Variants in IGSF21 observed in about 807,000 individuals in gnomAD.
IGSF21 encodes immunoglobin superfamily member 21.
In IGSF21, 28 loss-of-function variants were observed where a neutral mutation model predicts 46.8. The ratio of observed to expected loss-of-function variants is 0.60; its 90% CI spans 0.44 to 0.82. The LOEUF (loss-of-function observed/expected upper bound fraction) is 0.82. Among genes scored for constraint, IGSF21 ranks in the 40% least tolerant of loss-of-function variants. IGSF21 has a pLI of 0.00. For synonymous variants in IGSF21, 284 were observed against 273.6 expected (o/e 1.04, Z -0.38); for missense variants, 624 against 665.5 (o/e 0.94, Z 0.69).
intron 1 of IGSF21, among the ~76,000 whole-genome samples, chr1:18,190,972 C>G (rs180703314): frequency 1.6e-4 from 25 of 152,290 alleles, no homozygotes; most frequent in Non-Finnish European, 3.5e-4. Context: ...GGGGCTGACA[C>G]ATCGCTGGAA....
At chr1:18,342,825 T>C (rs2085856644) in intron 4 of IGSF21, among the ~76,000 whole-genome samples, 2 of 152,346 alleles carry the variant, frequency 1.3e-5, no homozygotes, top group Admixed American at 1.3e-4. Flanking sequence ...GTTTTGTTTA[T>C]GCATTCCTCA....
At chr1:18,349,952 G>T (rs1266312847) in intron 4 of IGSF21, among the ~76,000 whole-genome samples, 1 of 152,096 alleles carries the variant, frequency 6.6e-6, no homozygotes, top group African/African-American at 2.4e-5. Context: ...ATGAGGTGCA[G>T]CAGGGATAAG....
chr1:18,358,345 T>C (rs2086047178), intron 4 of IGSF21, among the ~76,000 whole-genome samples: 1 of 152,248 alleles, frequency 6.6e-6, no homozygotes, highest in African/African-American at 2.4e-5. Flanking sequence ...TTGATTCTAG[T>C]AATATATTTA....
At chr1:18,218,037 A>G (rs1444132742) in intron 1 of IGSF21, among the ~76,000 whole-genome samples, 1 of 152,222 alleles carries the variant, frequency 6.6e-6, no homozygotes, top group Non-Finnish European at 1.5e-5. Flanking sequence ...TTCTAGGGAT[A>G]TAGTAGTGTT....
intron 1 of IGSF21, among the ~76,000 whole-genome samples, chr1:18,122,061 C>T (rs1041378843): frequency 1.6e-4 from 25 of 152,176 alleles, no homozygotes; most frequent in Non-Finnish European, 1.5e-4. Flanking sequence ...TTGTGAGCTC[C>T]GAATCCCTCC....
chr1:18,293,225 C>T (rs1477029613), intron 3 of IGSF21, among the ~76,000 whole-genome samples: 1 of 152,228 alleles, frequency 6.6e-6, no homozygotes. Flanking sequence ...GGGCCTGGCA[C>T]ACAGTGGGTA....
chr1:18,171,078 G>A (rs34982047), intron 1 of IGSF21, among the ~76,000 whole-genome samples: 10,592 of 151,854 alleles, frequency 0.07, 421 homozygotes, highest in Middle Eastern at 0.17. Context: ...TGTGTGGAAT[G>A]AGCTTGGAAG....
chr1:18,157,285 ACT>A (rs2086577316), intron 1 of IGSF21, among the ~76,000 whole-genome samples: 1 of 152,090 alleles, frequency 6.6e-6, no homozygotes, highest in Non-Finnish European at 1.5e-5. Context: ...TGGAGGGCTA[ACT>A]CTGCCTCGCT....
intron 1 of IGSF21, among the ~76,000 whole-genome samples, chr1:18,225,229 C>T (rs753962064): frequency 9.2e-5 from 14 of 152,100 alleles, no homozygotes; most frequent in Non-Finnish European, 1.6e-4. Flanking sequence ...CACCCCACTC[C>T]TGCACACACT....
At chr1:18,359,089 C>A (rs914381729) in intron 4 of IGSF21, among the ~76,000 whole-genome samples, 4 of 151,800 alleles carry the variant, frequency 2.6e-5, no homozygotes, top group Admixed American at 1.3e-4. Flanking sequence ...TATAGCAAGA[C>A]CCTAGCTCTA....
chr1:18,110,180 C>T (rs1177652957), intron 1 of IGSF21: 5 of 152,298 alleles, frequency 3.3e-5, no homozygotes, highest in Non-Finnish European at 5.9e-5. Flanking sequence ...AGCTCCGCTG[C>T]TCAGGATGAA....
At chr1:18,180,726 G>A (rs1015629456) in intron 1 of IGSF21, among the ~76,000 whole-genome samples, 2 of 152,174 alleles carry the variant, frequency 1.3e-5, no homozygotes, top group Non-Finnish European at 2.9e-5. Context: ...AATTTAATAT[G>A]CACCTGGCAC....
chr1:18,346,005 G>C (rs944499707), intron 4 of IGSF21, among the ~76,000 whole-genome samples: 1 of 152,190 alleles, frequency 6.6e-6, no homozygotes. Context: ...ACCTGTTGGG[G>C]CATGAAATGT....
At chr1:18,315,838 G>T (rs2085537684) in intron 3 of IGSF21, among the ~76,000 whole-genome samples, 2 of 151,092 alleles carry the variant, frequency 1.3e-5, no homozygotes, top group South Asian at 4.2e-4. Flanking sequence ...TAGATAGGTA[G>T]ATGGGGGGTG....
At chr1:18,155,535 C>CA (rs2086560854) in intron 1 of IGSF21, among the ~76,000 whole-genome samples, 1 of 152,258 alleles carries the variant, frequency 6.6e-6, no homozygotes, top group Non-Finnish European at 1.5e-5. Flanking sequence ...CAGCCCCCTC[C>CA]AGGGGCAATT....
chr1:18,140,869 C>A, intron 1 of IGSF21, among the ~76,000 whole-genome samples: 1 of 152,224 alleles, frequency 6.6e-6, no homozygotes, highest in Non-Finnish European at 1.5e-5. Context: ...AGGCCTGAGA[C>A]CACATTTCTT....
chr1:18,241,961 C>A (rs1412983712), intron 2 of IGSF21, among the ~76,000 whole-genome samples: 2 of 152,178 alleles, frequency 1.3e-5, no homozygotes, highest in Non-Finnish European at 2.9e-5. Flanking sequence ...CTGGATCCCC[C>A]TTTGGGAAGC....
intron 1 of IGSF21, among the ~76,000 whole-genome samples, chr1:18,134,056 C>A (rs2086346607): frequency 6.6e-6 from 1 of 152,158 alleles, no homozygotes; most frequent in East Asian, 1.9e-4. Context: ...AGGTTCTATA[C>A]CTTCAGGTAG....
chr1:18,228,073 C>T lies in IGSF21; in HGVS notation c.183+63C>T, dbSNP rs140581143. 1,455 of 1,236,900 alleles carry T rather than the reference C, an allele frequency of 1.2e-3. 1 individual carries two copies. Among genetic ancestry groups the T allele is most frequent in the Non-Finnish European group, 1.5e-3 (1,252 of 840,422 alleles). 76.6% of individuals were successfully genotyped at this position (1,236,900 alleles called of 1,614,324 possible). On this transcript the variant is annotated intron_variant, in intron 2 of 9. Transcript: ENST00000251296. ...AGGACTGGTGTGAGGTCCTCAGAGC[C>T]CTCTGGACACCCTCACTGGTGTGGC...
Sources: allele counts gnomAD v4.1 joint callset (sites outside exome capture counted in the v4.1 genomes callset), GRCh38; gene constraint gnomAD v4.1.1; transcripts MANE v1.5; gene names NCBI Gene and HGNC (gene_info 2026-07-23, HGNC 2026-07-21).